MMRN2: variants seen among roughly 807,000 people sequenced by gnomAD.
MMRN2 encodes multimerin 2.
A neutral mutation model predicts 68.8 loss-of-function variants in MMRN2; 53 were observed. That is an observed-to-expected ratio of 0.77 (90% CI 0.62 to 0.97). MMRN2 has a LOEUF of 0.97. Among genes scored for constraint, MMRN2 ranks in the 50% least tolerant of loss-of-function variants. The probability of loss-of-function intolerance (pLI) is 0.00; values close to 1 mark genes in which losing one functional copy is unlikely to be tolerated. For synonymous variants in MMRN2, 564 were observed against 551.6 expected (o/e 1.02, Z -0.32); for missense variants, 1,266 against 1,259.5 (o/e 1.01, Z -0.08).
In MMRN2 at chr10:86,939,564, C is replaced by A. The variant is rs185595244; in HGVS notation, c.2468-2439G>T. 2.3e-3 allele frequency among the ~76,000 whole-genome samples: 343 copies of A among 151,982 alleles called. 4 individuals are homozygous for A. The highest frequency in any genetic ancestry group is 7.9e-3 in the African/African-American group (328 of 41,480). ...TAACACCCTGCAGGTGGTTCTCTTG[C>A]CTAGCCGAAGGAAGGCCGGCCCGCA... On this transcript the variant is annotated intron_variant, in intron 6 of 6. Coordinates refer to ENST00000372027, the MANE Select transcript of MMRN2 (RefSeq NM_024756.3).
At position 86,936,893 on chromosome 10, in the gene MMRN2, A is replaced by G; in HGVS notation, c.2700T>C (p.Thr900=). The G allele has an allele frequency of 6.2e-7, 1 of 1,614,188 alleles. No homozygotes were observed. Among genetic ancestry groups the G allele is most frequent in the Non-Finnish European group, 8.5e-7 (1 of 1,180,034 alleles). ...TTGCTGTGCTTCCACTCCCCTGCCC[A>G]GTGGTACAGACTGGAGTCCGATGGT... ...GGHHRTPVCT[T]GQGSGSTATV... Residue 900 remains threonine, a synonymous_variant, in exon 7 of 7, where the codon ACT becomes ACC. Transcript: ENST00000372027.
intron 4 of MMRN2, among the ~76,000 whole-genome samples, chr10:86,944,938 G>A (rs1242250817): frequency 1.3e-5 from 2 of 152,220 alleles, no homozygotes; most frequent in African/African-American, 4.8e-5. Context: ...CAAGGAAAGT[G>A]CCAGATGAAC....
At chr10:86,939,227 G>C (rs1219667308) in intron 6 of MMRN2, among the ~76,000 whole-genome samples, 1 of 151,494 alleles carries the variant, frequency 6.6e-6, no homozygotes, top group African/African-American at 2.4e-5. Flanking sequence ...ACTTTGGAAG[G>C]CCGAGGTGGG....
At position 86,936,497 on chromosome 10, in the gene MMRN2, C is replaced by A; in HGVS notation, c.*246G>T. ...GGCCGTGCTGTCTGAGAAGGCATGC[C>A]AAGCCAAGGTTCAGGCTTCCTAGGA... On this transcript the variant is annotated 3_prime_UTR_variant, in exon 7 of 7. Coordinates refer to ENST00000372027, the MANE Select transcript of MMRN2 (RefSeq NM_024756.3). 1.8e-6 allele frequency: 1 copy of A among 569,238 alleles called. No individual in the cohort carries two copies. The highest frequency in any genetic ancestry group is 3.1e-6 in the Non-Finnish European group (1 of 321,930). 35.3% of individuals were successfully genotyped at this position (569,238 alleles called of 1,614,324 possible).
At chr10:86,938,290 TCCAGA>T (rs1417295969) in intron 6 of MMRN2, among the ~76,000 whole-genome samples, 4 of 152,144 alleles carry the variant, frequency 2.6e-5, no homozygotes, top group African/African-American at 9.7e-5. Context: ...AGCTTATTGC[TCCAGA>T]CCACACAACT....
chr10:86,941,749 A>G (rs148118699), intron 6 of MMRN2, among the ~76,000 whole-genome samples: 7 of 148,666 alleles, frequency 4.7e-5, no homozygotes, highest in Non-Finnish European at 1.0e-4. Flanking sequence ...GCAGTGAGCC[A>G]TGATCCCACC....
rs538319705 is a variant in MMRN2, at chr10:86,955,044, G to A, written c.164+2334C>T. On this transcript the variant is annotated intron_variant, in intron 1 of 6. Transcript: ENST00000372027. ...GGTGACTGGGGCCAACCAGCCTGCT[G>A]GCAGCAGCATCCCCTACACGGCCAC... 4.6e-5 allele frequency among the ~76,000 whole-genome samples: 7 copies of A among 152,330 alleles called. No homozygotes were observed. The South Asian group carries it at 1.2e-3, about 27-fold the overall frequency.
At chr10:86,949,608 G>C (rs1349711561) in intron 1 of MMRN2, 1 of 151,976 alleles carries the variant, frequency 6.6e-6, no homozygotes, top group Admixed American at 6.6e-5. Context: ...GGGTGTGGTG[G>C]CTCATGCCTG....
At chr10:86,952,539 A>T (rs1196414624) in intron 1 of MMRN2, among the ~76,000 whole-genome samples, 2 of 152,224 alleles carry the variant, frequency 1.3e-5, no homozygotes, top group Non-Finnish European at 2.9e-5. Context: ...ACCTATCGGT[A>T]GGACTGTGAT....
chr10:86,950,340 A>G (rs779280039), intron 1 of MMRN2, among the ~76,000 whole-genome samples: 6 of 152,044 alleles, frequency 3.9e-5, no homozygotes, highest in Non-Finnish European at 7.4e-5. Flanking sequence ...ACTCCGTCTC[A>G]AAAATAATAA....
intron 1 of MMRN2, chr10:86,949,890 T>C: frequency 1.1e-5 from 1 of 93,036 alleles, no homozygotes; most frequent in African/African-American, 5.4e-5. Context: ...ATAATAATAA[T>C]AATGATAATA....
intron 1 of MMRN2, among the ~76,000 whole-genome samples, chr10:86,946,475 G>A (rs1014623291): frequency 6.6e-6 from 1 of 152,198 alleles, no homozygotes; most frequent in East Asian, 1.9e-4. Context: ...GATGGCCACC[G>A]CATCAAGGTC....
chr10:86,939,056 G>A (rs2133674333), intron 6 of MMRN2, among the ~76,000 whole-genome samples: 1 of 151,888 alleles, frequency 6.6e-6, no homozygotes, highest in African/African-American at 2.4e-5. Flanking sequence ...CAGCTACTTG[G>A]GAGGCTGAGG....
intron 1 of MMRN2, among the ~76,000 whole-genome samples, chr10:86,953,152 C>A (rs1844167218): frequency 6.6e-6 from 1 of 152,128 alleles, no homozygotes; most frequent in African/African-American, 2.4e-5. Flanking sequence ...GCACTGATAT[C>A]ATATTATTAA....
intron 1 of MMRN2, among the ~76,000 whole-genome samples, chr10:86,955,687 A>C (rs1844212035): frequency 6.6e-6 from 1 of 152,184 alleles, no homozygotes; most frequent in South Asian, 2.1e-4. Context: ...GAGCAAGGGA[A>C]GTAATCAGCC....
In MMRN2 at chr10:86,943,514, C is replaced by A. The variant is rs753576513; in HGVS notation, c.1270G>T (p.Asp424Tyr). 3 of 1,614,228 alleles carry A rather than the reference C, an allele frequency of 1.9e-6. No homozygotes were observed. Among genetic ancestry groups the A allele is most frequent in the African/African-American group, 1.3e-5 (1 of 75,060 alleles). The change falls in exon 6 of 7, where the codon GAT becomes TAT. Residue 424 changes from aspartate to tyrosine, a missense_variant. By Grantham distance (160) the Asp-to-Tyr change is radical. Coordinates refer to ENST00000372027, the MANE Select transcript of MMRN2 (RefSeq NM_024756.3). The surrounding 1 kb of genome is among the most constrained non-coding windows in gnomAD (Gnocchi z 4.2). ...TGCCGCTCCACCTTGCTAATCTGAT[C>A]GAAAGTCTCGTCCGATTCGGAGTAC... ...ELYSESDETF[D>Y]QISKVERQVE...
In MMRN2 at chr10:86,935,725, T is replaced by G. The variant is rs1273966758; in HGVS notation, c.*1018A>C. 6.6e-6 allele frequency: 1 copy of G among 152,260 alleles called. No homozygotes were observed. The highest frequency in any genetic ancestry group is 1.5e-5 in the Non-Finnish European group (1 of 68,052). The allele number at this position is 152,260 out of a possible 1,614,324, so 9.4% of individuals were successfully genotyped here. The stretch of plus-strand genomic sequence containing the variant: ...ATTTTAGTTCACGTTTGGCATTTCT[T>G]GGTCTTTACCCTATGTAAGGCAAGG... On this transcript the variant is annotated 3_prime_UTR_variant, in exon 7 of 7. Coordinates refer to ENST00000372027, the MANE Select transcript of MMRN2 (RefSeq NM_024756.3).
intron 6 of MMRN2, 32 bp downstream of exon 6, chr10:86,942,285 G>C (rs2133677535): frequency 6.4e-7 from 1 of 1,569,722 alleles, no homozygotes; most frequent in Non-Finnish European, 8.6e-7. Flanking sequence ...GGCCTCCTAG[G>C]CTCGTCCAGT....
intron 1 of MMRN2, chr10:86,948,615 A>C (rs1183531326): frequency 6.6e-6 from 1 of 152,226 alleles, no homozygotes; most frequent in Non-Finnish European, 1.5e-5. Flanking sequence ...ACATCCAAGT[A>C]GTACAAATTT....
Sources: allele counts gnomAD v4.1 joint callset (sites outside exome capture counted in the v4.1 genomes callset), GRCh38; gene constraint gnomAD v4.1.1; non-coding constraint Gnocchi (gnomAD v3.1); transcripts MANE v1.5; gene names NCBI Gene and HGNC (gene_info 2026-07-23, HGNC 2026-07-21).